The following IFT74 variants were observed in gnomAD, a reference collection of about 807,000 sequenced individuals.
The protein encoded by IFT74 is intraflagellar transport 74.
A neutral mutation model predicts 96.7 loss-of-function variants in IFT74; 92 were observed. The observed-to-expected ratio is 0.95, with a 90% CI of 0.80 to 1.13. The LOEUF is 1.13. IFT74 is among the 50% of genes most tolerant of loss of function. IFT74 has a pLI of 0.00. For missense variants in IFT74, 811 were observed against 698.2 expected (o/e 1.16, Z -1.82); for synonymous variants, 223 against 213.2 (o/e 1.05, Z -0.40).
chr9:27,043,017 C>T (rs1324968243), intron 13 of IFT74, among the ~76,000 whole-genome samples: 1 of 152,156 alleles, frequency 6.6e-6, no homozygotes, highest in African/African-American at 2.4e-5. Context: ...TACCTCTGGC[C>T]TCCTCTTCAC....
intron 16 of IFT74, among the ~76,000 whole-genome samples, chr9:27,048,686 C>T (rs1033829360): frequency 2.0e-5 from 3 of 152,098 alleles, no homozygotes; most frequent in African/African-American, 7.2e-5. Flanking sequence ...TGAAAAATTA[C>T]AGGGTTCATC....
intron 10 of IFT74, among the ~76,000 whole-genome samples, chr9:27,013,739 C>G (rs1197905493): frequency 6.6e-6 from 1 of 152,078 alleles, no homozygotes; most frequent in East Asian, 1.9e-4. Context: ...AGTATACTGT[C>G]TGTATCTCAA....
chr9:26,982,670 G>A (rs191579316), intron 4 of IFT74, among the ~76,000 whole-genome samples: 3 of 152,018 alleles, frequency 2.0e-5, no homozygotes, highest in Non-Finnish European at 4.4e-5. Flanking sequence ...GGTCAGGCTG[G>A]TCTCGAACTC....
upstream of IFT74, among the ~76,000 whole-genome samples, chr9:26,952,863 A>T (rs184373888): frequency 1.4e-3 from 215 of 152,334 alleles, 4 homozygotes; most frequent in Non-Finnish European, 2.5e-4. Context: ...TATGAGTTAA[A>T]CTGAAAAAAG....
chr9:27,008,983 A>C lies in IFT74; in HGVS notation c.588-37A>C, dbSNP rs201580177. ...AAAATAATTGGATATTTTTTCCTCA[A>C]TATAGTATCAGGAATATTACGTGCT... On this transcript the variant is annotated intron_variant, in intron 8 of 19. Transcript: ENST00000380062. 1.1e-3 allele frequency: 1,686 copies of C among 1,545,926 alleles called. 3 individuals carry two copies. The highest frequency in any genetic ancestry group is 1.4e-3 in the Non-Finnish European group (1,577 of 1,129,538).
chr9:27,026,747 A>G (rs930141951), intron 12 of IFT74, among the ~76,000 whole-genome samples: 2 of 152,206 alleles, frequency 1.3e-5, no homozygotes, highest in Non-Finnish European at 2.9e-5. Flanking sequence ...TGAAATCAAG[A>G]TGGAAATTTA....
intron 18 of IFT74, among the ~76,000 whole-genome samples, chr9:27,060,253 A>C (rs1272642872): frequency 1.3e-5 from 2 of 152,192 alleles, no homozygotes; most frequent in Non-Finnish European, 2.9e-5. Context: ...TCCAGATTTT[A>C]AGAAGAGATT....
intron 8 of IFT74, among the ~76,000 whole-genome samples, chr9:26,996,770 A>T (rs10967650): frequency 0.093 from 14,203 of 152,178 alleles, 1,715 homozygotes; most frequent in East Asian, 0.65. Flanking sequence ...CATGGTTACA[A>T]TCTGGATCTC....
intron 2 of IFT74, among the ~76,000 whole-genome samples, chr9:26,964,821 A>T (rs1484329487): frequency 6.6e-6 from 1 of 152,188 alleles, no homozygotes; most frequent in South Asian, 2.1e-4. Context: ...GTGAAACAAT[A>T]TTCTGATTGC....
At chr9:27,012,483 G>T (rs1397239370) in intron 10 of IFT74, among the ~76,000 whole-genome samples, 4 of 152,006 alleles carry the variant, frequency 2.6e-5, no homozygotes, top group African/African-American at 7.3e-5. Context: ...TTCCCAATGT[G>T]CTGGGATTAC....
At chr9:27,018,473 G>T (rs1829454835) in intron 11 of IFT74, among the ~76,000 whole-genome samples, 174 bp from the exon 12 acceptor site, 1 of 152,150 alleles carries the variant, frequency 6.6e-6, no homozygotes, top group African/African-American at 2.4e-5. Flanking sequence ...TCTGTGAATG[G>T]TTCCTTGGTG....
chr9:26,963,877 G>A (rs1185892467), intron 2 of IFT74, among the ~76,000 whole-genome samples: 9 of 152,192 alleles, frequency 5.9e-5, no homozygotes, highest in Non-Finnish European at 1.0e-4. Context: ...TTTGTCAGAT[G>A]AGTAGGTTGC....
At chr9:26,988,546 A>G (rs1587294448) in intron 6 of IFT74, 123 bp from the exon 7 acceptor site, 3 of 925,766 alleles carry the variant, frequency 3.2e-6, no homozygotes, top group East Asian at 3.2e-5. Flanking sequence ...AAAATATTCA[A>G]AAGTATTAAT....
chr9:27,044,021 A>G (rs1052089212), intron 13 of IFT74, among the ~76,000 whole-genome samples: 4 of 152,206 alleles, frequency 2.6e-5, no homozygotes, highest in Admixed American at 1.3e-4. Flanking sequence ...AGAAAGTCCA[A>G]ACTCTTTAAC....
At chr9:26,980,676 T>G (rs1827336512) in intron 4 of IFT74, 57 bp downstream of exon 4, 1 of 1,120,812 alleles carries the variant, frequency 8.9e-7, no homozygotes, top group South Asian at 1.4e-5. Context: ...GTGTACCTTC[T>G]GTCAAAATAG....
intron 2 of IFT74, among the ~76,000 whole-genome samples, chr9:26,977,385 G>C (rs1196989562): frequency 6.6e-6 from 1 of 152,136 alleles, no homozygotes; most frequent in East Asian, 1.9e-4. Context: ...ATCTCTTCAG[G>C]CCAGTAGTTC....
intron 8 of IFT74, among the ~76,000 whole-genome samples, chr9:27,005,347 C>A (rs1828711852): frequency 7.1e-5 from 4 of 56,396 alleles, no homozygotes; most frequent in Non-Finnish European, 1.1e-4. Flanking sequence ...CTAGATGAAA[C>A]CATTTCCCCC....
chr9:26,997,212 CA>C (rs59898737), intron 8 of IFT74, among the ~76,000 whole-genome samples: 34,434 of 138,716 alleles, frequency 0.25, 4,718 homozygotes, highest in East Asian at 0.69. Flanking sequence ...AACTCTGTCT[CA>C]AAAAAAAAAA....
At chr9:27,059,524 A>T (rs1200589327) in intron 18 of IFT74, among the ~76,000 whole-genome samples, 1 of 152,204 alleles carries the variant, frequency 6.6e-6, no homozygotes, top group South Asian at 2.1e-4. Context: ...ACAATGACAA[A>T]AAAGTCTGGT....
Sources: allele counts gnomAD v4.1 joint callset (sites outside exome capture counted in the v4.1 genomes callset), GRCh38; gene constraint gnomAD v4.1.1; transcripts MANE v1.5; gene names NCBI Gene and HGNC (gene_info 2026-07-23, HGNC 2026-07-21).